TCAIM: variants seen among roughly 807,000 people sequenced by gnomAD.
TCAIM encodes T cell activation inhibitor, mitochondrial.
In TCAIM, 36 loss-of-function variants were observed where a neutral mutation model predicts 58.6. The ratio of observed to expected loss-of-function variants is 0.61; its 90% confidence interval spans 0.47 to 0.81. The LOEUF (loss-of-function observed/expected upper bound fraction) is 0.81. Among genes scored for constraint, TCAIM ranks in the 30% least tolerant of loss-of-function variants. TCAIM has a pLI of 0.00. For synonymous variants in TCAIM, 172 were observed against 193.6 expected, an observed-to-expected ratio of 0.89 and a Z score of 0.93; for missense variants, 466 against 579.6, an observed-to-expected ratio of 0.80 and a Z score of 2.01.
intron 6 of TCAIM, among the ~76,000 whole-genome samples, chr3:44,395,722 C>T (rs1400186068): frequency 3.3e-5 from 5 of 152,248 alleles, no homozygotes; most frequent in South Asian, 2.1e-4. Context: ...CGGTGGCTCA[C>T]GCCTGTAATC....
At chr3:44,353,163 C>T (rs183633949) in intron 1 of TCAIM, among the ~76,000 whole-genome samples, 18 of 152,074 alleles carry the variant, frequency 1.2e-4, no homozygotes, top group African/African-American at 1.9e-4. Context: ...TCAGGTGATC[C>T]GCCTGCCTCA....
intron 9 of TCAIM, 142 bp from the exon 10 acceptor site, chr3:44,401,061 C>A: frequency 8.1e-7 from 1 of 1,238,532 alleles, no homozygotes; most frequent in Non-Finnish European, 1.1e-6. Flanking sequence ...GGCAGCAAAG[C>A]TTTAAGTCAA....
intron 5 of TCAIM, among the ~76,000 whole-genome samples, chr3:44,384,168 C>T (rs1229472230): frequency 2.0e-5 from 3 of 152,160 alleles, no homozygotes; most frequent in Non-Finnish European, 4.4e-5. Flanking sequence ...TTTTAAATCT[C>T]TGTGATTATA....
chr3:44,386,599 C>A (rs1487986611), intron 5 of TCAIM, among the ~76,000 whole-genome samples: 2 of 152,382 alleles, frequency 1.3e-5, no homozygotes, highest in East Asian at 1.9e-4. Context: ...TGCTCCCACT[C>A]CCTGGCCTCT....
chr3:44,359,979 CCT>C (rs1204421641), intron 3 of TCAIM, among the ~76,000 whole-genome samples: 1 of 152,148 alleles, frequency 6.6e-6, no homozygotes, highest in Non-Finnish European at 1.5e-5. Context: ...CTAGCTGCTG[CCT>C]CTGTTTAGAG....
intron 5 of TCAIM, among the ~76,000 whole-genome samples, chr3:44,390,256 C>T (rs1701812987): frequency 6.6e-6 from 1 of 152,126 alleles, no homozygotes; most frequent in South Asian, 2.1e-4. Flanking sequence ...TGCTTTAGAT[C>T]ACAACATCTA....
intron 1 of TCAIM, among the ~76,000 whole-genome samples, chr3:44,351,475 ATTTAT>A (rs890701613): frequency 3.2e-4 from 49 of 151,730 alleles, no homozygotes; most frequent in South Asian, 4.2e-4. Context: ...ACCTTTTTAA[ATTTAT>A]TTTATTTTAT....
Position 44,407,290 on chromosome 3 carries a change from C to T in TCAIM, c.1251-152C>T, listed in dbSNP as rs1391180937. The T allele has an allele frequency of 5.7e-6, 3 of 524,340 alleles. No individual in the cohort carries two copies. In the African/African-American group the frequency reaches 5.9e-5, roughly 10 times the overall value. The allele number at this position is 524,340 out of a possible 1,614,324, so 32.5% of individuals were successfully genotyped here. A position where few individuals can be genotyped will look rare whatever the true frequency, so the allele number is the denominator to read the frequency against. ...GATGGCTATTGGCGTGTCTTCCAAA[C>T]GTATAATTTGGCCTTTGTGGGTGGC... On this transcript the variant is annotated intron_variant, in intron 10 of 10. Coordinates refer to ENST00000342649, the MANE Select transcript of TCAIM (RefSeq NM_173826.4).
chr3:44,395,489 G>A (rs1701919187), intron 6 of TCAIM, among the ~76,000 whole-genome samples: 1 of 152,146 alleles, frequency 6.6e-6, no homozygotes, highest in African/African-American at 2.4e-5. Flanking sequence ...CTTGTTCAAG[G>A]TCACAGAGCT....
chr3:44,343,820 T>G (rs1194792083), intron 1 of TCAIM, among the ~76,000 whole-genome samples: 1 of 152,226 alleles, frequency 6.6e-6, no homozygotes, highest in East Asian at 1.9e-4. Flanking sequence ...TAGATTTGTA[T>G]TTGGTAACAT....
At chr3:44,358,618 G>A in intron 3 of TCAIM, 1 of 368,020 alleles carries the variant, frequency 2.7e-6, no homozygotes, top group Non-Finnish European at 3.9e-6. Flanking sequence ...GATACACATA[G>A]GTTATTTGCA....
chr3:44,372,064 A>AGGAAGGAAG (rs1701485049), intron 5 of TCAIM, among the ~76,000 whole-genome samples: 1 of 145,968 alleles, frequency 6.9e-6, no homozygotes, highest in African/African-American at 2.6e-5. Flanking sequence ...GAAGGAAGGA[A>AGGAAGGAAG]GGAAGGAAGG....
At chr3:44,372,074 G>GAAGA (rs1360285123) in intron 5 of TCAIM, among the ~76,000 whole-genome samples, 13 of 115,596 alleles carry the variant, frequency 1.1e-4, no homozygotes, top group African/African-American at 3.4e-4. Flanking sequence ...AGGAAGGAAG[G>GAAGA]AAGATACAGT....
At chr3:44,345,448 T>C (rs1700946921) in intron 1 of TCAIM, among the ~76,000 whole-genome samples, 1 of 151,228 alleles carries the variant, frequency 6.6e-6, no homozygotes, top group Non-Finnish European at 1.5e-5. Flanking sequence ...TTGGGCTCTA[T>C]CTTTGAGTTT....
At chr3:44,344,672 G>A (rs1454290736) in intron 1 of TCAIM, among the ~76,000 whole-genome samples, 1 of 152,106 alleles carries the variant, frequency 6.6e-6, no homozygotes, top group Non-Finnish European at 1.5e-5. Context: ...ACACGCGTCC[G>A]TGTGAAGAGA....
intron 10 of TCAIM, among the ~76,000 whole-genome samples, chr3:44,403,046 A>C (rs1176930553): frequency 6.6e-6 from 1 of 152,166 alleles, no homozygotes; most frequent in Non-Finnish European, 1.5e-5. Flanking sequence ...AGGTGGGCGG[A>C]TCACTTGAGG....
intron 5 of TCAIM, among the ~76,000 whole-genome samples, chr3:44,373,462 G>A (rs543492435): frequency 7.7e-4 from 116 of 149,948 alleles, no homozygotes; most frequent in Non-Finnish European, 1.0e-4. Context: ...TGTCAAGATG[G>A]TGGCCAACAT....
At chr3:44,343,248 T>C (rs1700892534) in intron 1 of TCAIM, among the ~76,000 whole-genome samples, 1 of 152,122 alleles carries the variant, frequency 6.6e-6, no homozygotes, top group South Asian at 2.1e-4. Flanking sequence ...TTGCCCTTGC[T>C]CACACAGTCA....
chr3:44,344,403 C>T (rs1700921805), intron 1 of TCAIM, among the ~76,000 whole-genome samples: 1 of 152,156 alleles, frequency 6.6e-6, no homozygotes, highest in Non-Finnish European at 1.5e-5. Flanking sequence ...CTATCTTAGT[C>T]TTCAGCTGCT....
Sources: gnomAD v4.1 joint callset for allele counts (sites outside exome capture counted in the v4.1 genomes callset) on GRCh38, gnomAD v4.1.1 for gene constraint, MANE v1.5 for transcripts, NCBI Gene and HGNC (gene_info 2026-07-23, HGNC 2026-07-21) for gene names.